Variants in MAGI3 observed in about 807,000 individuals in gnomAD.
The protein encoded by MAGI3 is membrane-associated guanylate kinase, WW and PDZ domain-containing protein 3.
A neutral mutation model predicts 121.8 loss-of-function variants in MAGI3; 43 were observed. The ratio of observed to expected loss-of-function variants is 0.35; its 90% CI spans 0.28 to 0.46. The LOEUF (loss-of-function observed/expected upper bound fraction) is 0.46, where lower values mean the gene tolerates loss of function less well. Ranked by LOEUF, MAGI3 falls within the 20% of genes least tolerant of loss-of-function variation. The pLI is 1.00. For synonymous variants in MAGI3, 553 were observed against 639.3 expected, an observed-to-expected ratio of 0.86 and a Z score of 2.04; for missense variants, 1,547 against 1,797.3, an observed-to-expected ratio of 0.86 and a Z score of 2.52.
intron 5 of MAGI3, among the ~76,000 whole-genome samples, chr1:113,593,498 A>G (rs1040048419): frequency 6.6e-6 from 1 of 152,058 alleles, no homozygotes; most frequent in Non-Finnish European, 1.5e-5. Flanking sequence ...AGCTGTGATC[A>G]TGCCACTGCA....
chr1:113,649,939 A>G (rs1373752933), intron 13 of MAGI3, among the ~76,000 whole-genome samples: 3 of 152,192 alleles, frequency 2.0e-5, no homozygotes, highest in Non-Finnish European at 4.4e-5. Context: ...TGTTTTAGAG[A>G]ACAAATGTAG....
chr1:113,570,634 A>T (rs929338243), intron 2 of MAGI3, among the ~76,000 whole-genome samples: 4 of 152,236 alleles, frequency 2.6e-5, no homozygotes, highest in South Asian at 2.1e-4. Context: ...GCATCTCTGT[A>T]ATGACCAGTG....
intron 1 of MAGI3, among the ~76,000 whole-genome samples, chr1:113,398,265 T>G (rs1371565678): frequency 1.3e-5 from 2 of 152,230 alleles, no homozygotes; most frequent in Admixed American, 6.5e-5. Context: ...TACTGAGAGA[T>G]ATTGTTTTAG....
In MAGI3 at chr1:113,649,289, T is replaced by C. The variant is rs1302754333; in HGVS notation, c.2208T>C (p.Phe736=). Residue 736 remains phenylalanine (F), a synonymous_variant, in exon 13 of 21, where the codon TTT becomes TTC. Coordinates refer to ENST00000307546, the MANE Select transcript of MAGI3 (RefSeq NM_001142782.2). ...TTCTTCGAAAACAAGAGTCAGGGTT[T>C]GGCTTCAGGGTGCTAGGAGGAGATG... ...DVFLRKQESG[F]GFRVLGGDGP... The C allele has an allele frequency of 2.5e-6, 4 of 1,613,712 alleles. No individual in the cohort carries two copies. The highest frequency in any genetic ancestry group is 1.7e-4 in the Middle Eastern group (1 of 6,058).
chr1:113,447,854 C>CA (rs141135630), intron 1 of MAGI3, among the ~76,000 whole-genome samples: 22,860 of 144,484 alleles, frequency 0.16, 2,717 homozygotes, highest in East Asian at 0.63. Context: ...GACTGTGTCT[C>CA]AAAAAAAAAA....
At chr1:113,599,048 G>T (rs1004171668) in intron 6 of MAGI3, among the ~76,000 whole-genome samples, 1 of 152,030 alleles carries the variant, frequency 6.6e-6, no homozygotes, top group African/African-American at 2.4e-5. Context: ...CTTTGTTCTC[G>T]TTGGTTTCAA....
At chr1:113,545,382 A>G (rs2101661915) in intron 1 of MAGI3, among the ~76,000 whole-genome samples, 1 of 152,266 alleles carries the variant, frequency 6.6e-6, no homozygotes, top group East Asian at 1.9e-4. Flanking sequence ...AGAGAATAGT[A>G]AAGACATGTT....
At chr1:113,595,158 G>C (rs1648921426) in intron 6 of MAGI3, among the ~76,000 whole-genome samples, 2 of 152,086 alleles carry the variant, frequency 1.3e-5, no homozygotes. Flanking sequence ...GTTTTGAGCT[G>C]GGTGTGGTGG....
intron 6 of MAGI3, among the ~76,000 whole-genome samples, chr1:113,610,513 T>G (rs1031342722): frequency 6.6e-6 from 1 of 152,168 alleles, no homozygotes; most frequent in African/African-American, 2.4e-5. Flanking sequence ...CAAGAGCTTG[T>G]TATTTATCTG....
intron 1 of MAGI3, among the ~76,000 whole-genome samples, chr1:113,531,578 C>T (rs1042115804): frequency 1.4e-4 from 22 of 152,074 alleles, no homozygotes; most frequent in African/African-American, 2.4e-5. Context: ...TAGCATTCAT[C>T]TTATGAGTGA....
chr1:113,541,506 C>A (rs1184099828), intron 1 of MAGI3, among the ~76,000 whole-genome samples: 1 of 152,148 alleles, frequency 6.6e-6, no homozygotes, highest in Non-Finnish European at 1.5e-5. Context: ...ACACTTGGGA[C>A]TGGAGAGGAA....
chr1:113,519,114 T>G (rs981673381), intron 1 of MAGI3, among the ~76,000 whole-genome samples: 18 of 152,128 alleles, frequency 1.2e-4, no homozygotes, highest in Admixed American at 9.2e-4. Context: ...TTTGGGCTAT[T>G]AAAATGTAAT....
chr1:113,577,574 G>A (rs914740964), intron 2 of MAGI3, among the ~76,000 whole-genome samples: 1 of 151,772 alleles, frequency 6.6e-6, no homozygotes, highest in Admixed American at 6.6e-5. Context: ...GGTGAAGGAA[G>A]GAAGATAACT....
intron 11 of MAGI3, 26 bp downstream of exon 11, chr1:113,643,800 T>C (rs1652684408): frequency 1.2e-6 from 2 of 1,606,928 alleles, no homozygotes; most frequent in African/African-American, 2.7e-5. Flanking sequence ...TCCTCAAATC[T>C]TTTCCCCAAC....
At chr1:113,449,408 A>G (rs1312933460) in intron 1 of MAGI3, among the ~76,000 whole-genome samples, 1 of 151,330 alleles carries the variant, frequency 6.6e-6, no homozygotes, top group African/African-American at 2.4e-5. Flanking sequence ...AGAGGCTTCA[A>G]TCCTTAAATC....
chr1:113,585,609 A>T lies in MAGI3; in HGVS notation c.763+13A>T. On this transcript the variant is annotated intron_variant, in intron 4 of 20. Coordinates refer to ENST00000307546, the MANE Select transcript of MAGI3 (RefSeq NM_001142782.2). ...AGTGGAAACGCAGGTTTGTAAATAGATGAACAACTTCTAACTGATCTTCTA... is the reference window on the plus strand; with the variant it reads ...AGTGGAAACGCAGGTTTGTAAATAGTTGAACAACTTCTAACTGATCTTCTA... 1.3e-6 allele frequency: 2 copies of T among 1,597,692 alleles called. No individual in the cohort carries two copies. Among genetic ancestry groups the T allele is most frequent in the Non-Finnish European group, 8.6e-7 (1 of 1,167,010 alleles).
intron 1 of MAGI3, among the ~76,000 whole-genome samples, chr1:113,530,796 G>T (rs1557806359): frequency 6.6e-6 from 1 of 151,918 alleles, no homozygotes; most frequent in Non-Finnish European, 1.5e-5. Flanking sequence ...TGCACCTGTA[G>T]TCCCAGCTAC....
At chr1:113,593,136 A>G (rs1648793946) in intron 5 of MAGI3, among the ~76,000 whole-genome samples, 1 of 152,232 alleles carries the variant, frequency 6.6e-6, no homozygotes, top group Non-Finnish European at 1.5e-5. Flanking sequence ...GATGTGAGTA[A>G]TTCCCTGAAA....
At chr1:113,515,347 A>C (rs1232964529) in intron 1 of MAGI3, among the ~76,000 whole-genome samples, 1 of 152,056 alleles carries the variant, frequency 6.6e-6, no homozygotes, top group Non-Finnish European at 1.5e-5. Context: ...TTGACTAAAG[A>C]GACTGAGAGA....
Sources: allele counts gnomAD v4.1 joint callset (sites outside exome capture counted in the v4.1 genomes callset), GRCh38; gene constraint gnomAD v4.1.1; transcripts MANE v1.5; gene names NCBI Gene and HGNC (gene_info 2026-07-23, HGNC 2026-07-21).